OSGIN1: variants seen among roughly 807,000 people sequenced by gnomAD.
The protein encoded by OSGIN1 is oxidative stress-induced growth inhibitor 1.
In OSGIN1, 19 loss-of-function variants were observed where a neutral mutation model predicts 20.1. That is an observed-to-expected ratio of 0.95 (90% confidence interval 0.66 to 1.39). The LOEUF (loss-of-function observed/expected upper bound fraction) is 1.39. OSGIN1 is among the 40% of genes most tolerant of loss of function. OSGIN1 has a pLI of 0.00. For synonymous variants in OSGIN1, 368 were observed against 297.8 expected (o/e 1.24, Z -2.43); for missense variants, 820 against 653.0 (o/e 1.26, Z -2.79).
chr16:83,954,652 C>A, intron 1 of OSGIN1: 1 of 545,004 alleles, frequency 1.8e-6, no homozygotes, highest in Non-Finnish European at 2.4e-6. Flanking sequence ...CAGGTCCAGC[C>A]CCTGGGTGGT....
rs954801041 is a variant in OSGIN1 at position 83,965,266 on chromosome 16, C to A, written c.693C>A (p.Ala231=). 6.2e-6 allele frequency: 10 copies of A among 1,608,906 alleles called. No homozygotes were observed. In the Middle Eastern group the frequency reaches 6.6e-4, roughly 106 times the overall value. Residue 231 remains alanine, a synonymous_variant, in exon 6 of 6, where the codon GCC becomes GCA. Coordinates refer to ENST00000393306, the MANE Select transcript of OSGIN1 (RefSeq NM_182981.3). The stretch of plus-strand genomic sequence containing the variant: ...GCGGCTTCCTGACCAGGAACCAGGC[C>A]CAGCAGCCCTTCTCGCTGTGGGCCC... The part of the protein sequence containing the change: ...QVSGFLTRNQ[A]QQPFSLWARN...
At chr16:83,955,654 A>G (rs565317033) in intron 1 of OSGIN1, among the ~76,000 whole-genome samples, 22 of 152,342 alleles carry the variant, frequency 1.4e-4, no homozygotes, top group South Asian at 4.1e-4. Flanking sequence ...CCCACTCCAC[A>G]GAAGTATGGA....
In OSGIN1 at chr16:83,965,895, G is replaced by T. The variant is rs1460302553; in HGVS notation, c.1322G>T (p.Gly441Val). The change falls in exon 6 of 6, where the codon GGC (glycine) becomes GTC (valine). Residue 441 changes from glycine (G) to valine (V), a missense_variant. Coordinates refer to ENST00000393306, the MANE Select transcript of OSGIN1 (RefSeq NM_182981.3). The stretch of plus-strand genomic sequence containing the variant: ...ACCTACCAGAGCACCCGCCAGGAGG[G>T]CCTGTACGCCATGGGGCCGCTGGCC... ...PFTYQSTRQE[G>V]LYAMGPLAGD... is the part of the protein sequence containing the mutation. 1 of 1,612,874 alleles carries T rather than the reference G, an allele frequency of 6.2e-7. No individual in the cohort carries two copies. The highest frequency in any genetic ancestry group is 8.5e-7 in the Non-Finnish European group (1 of 1,179,998).
At chr16:83,961,713 C>A (rs1343182772) in intron 5 of OSGIN1, among the ~76,000 whole-genome samples, 1 of 152,126 alleles carries the variant, frequency 6.6e-6, no homozygotes, top group Non-Finnish European at 1.5e-5. Context: ...GAGCTGGGCT[C>A]ACCCGAGGAC....
chr16:83,959,456 C>A, intron 3 of OSGIN1, 60 bp downstream of exon 3: 2 of 1,491,934 alleles, frequency 1.3e-6, no homozygotes, highest in South Asian at 1.2e-5. Context: ...AAAACTACCG[C>A]CGCTTTCCCA....
At chr16:83,954,749 C>A in intron 1 of OSGIN1, 1 of 984,954 alleles carries the variant, frequency 1.0e-6, no homozygotes, top group Non-Finnish European at 1.2e-6. Flanking sequence ...AGCCCCAAAG[C>A]CCTGGTGGTA....
In OSGIN1 at chr16:83,953,284, CG is replaced by C. The variant is rs1353048740; in HGVS notation, c.-114del. 1 of 1,288,464 alleles carries C rather than the reference CG, an allele frequency of 7.8e-7. No homozygotes were observed. The highest frequency in any genetic ancestry group is 2.3e-5 in the Admixed American group (1 of 43,512). The allele number at this position is 1,288,464 out of a possible 1,614,324, so 79.8% of individuals were successfully genotyped here. A position where few individuals can be genotyped will look rare whatever the true frequency, so the allele number is the denominator to read the frequency against. On this transcript the variant is annotated 5_prime_UTR_variant, in exon 1 of 6. The change abolishes the stop of an existing upstream ORF in the 5' untranslated region. Coordinates refer to ENST00000393306, the MANE Select transcript of OSGIN1 (RefSeq NM_182981.3). ...CAGGGTAATGGGTGTCCCGATCTCG[CG>C]GGGGACTCTGTGATCCGTGTTCCCC...
Position 83,965,479 on chromosome 16 carries a change from C to G in OSGIN1, c.906C>G (p.Leu302=), listed in dbSNP as rs769486922. 6.2e-7 allele frequency: 1 copy of G among 1,607,784 alleles called. No homozygotes were observed. The highest frequency in any genetic ancestry group is 8.5e-7 in the Non-Finnish European group (1 of 1,179,628). Residue 302 remains leucine (L), a synonymous_variant, in exon 6 of 6, where the codon CTC becomes CTG. Coordinates refer to ENST00000393306, the MANE Select transcript of OSGIN1 (RefSeq NM_182981.3). The part of the protein sequence containing the change: ...GAGLSAADAV[L]YARHYNIPVI... ...GGCTGTCAGCGGCCGACGCGGTCCT[C>G]TACGCCCGCCACTACAACATCCCGG... is the stretch of plus-strand genomic sequence containing the variant.
At chr16:83,961,249 T>C (rs1438100638) in intron 5 of OSGIN1, 177 bp downstream of exon 5, 6 of 594,690 alleles carry the variant, frequency 1.0e-5, no homozygotes, top group African/African-American at 1.9e-5. Context: ...CACAGCTTGG[T>C]TTTATACATT....
intron 5 of OSGIN1, among the ~76,000 whole-genome samples, chr16:83,962,111 C>T (rs544171764): frequency 3.3e-5 from 5 of 152,184 alleles, no homozygotes; most frequent in South Asian, 2.1e-4. Flanking sequence ...CACTTCTCCA[C>T]GCCCTTTCAC....
rs575096157 is a variant in OSGIN1 at position 83,966,290 on chromosome 16, G to A, written c.*283G>A. On this transcript the variant is annotated 3_prime_UTR_variant, in exon 6 of 6. Coordinates refer to ENST00000393306, the MANE Select transcript of OSGIN1 (RefSeq NM_182981.3). ...CCAGCCAGGAGACCTGCAGCCCTGCGCCTTCCAGAAGCAGGTCCCAAATAA... is the reference window on the plus strand; with the variant it reads ...CCAGCCAGGAGACCTGCAGCCCTGCACCTTCCAGAAGCAGGTCCCAAATAA... The A allele has an allele frequency of 1.7e-5, 8 of 480,386 alleles. No homozygotes were observed. The highest frequency in any genetic ancestry group is 4.1e-5 in the South Asian group (1 of 24,568). The allele number at this position is 480,386 out of a possible 1,614,324, so 29.8% of individuals were successfully genotyped here.
In OSGIN1 at chr16:83,953,589, C is replaced by G. The variant is rs185854910; in HGVS notation, c.-33+219C>G. Among the ~76,000 whole-genome samples, 527 of 152,328 alleles carry G rather than the reference C, an allele frequency of 3.5e-3. 4 individuals carry two copies. Among genetic ancestry groups the G allele is most frequent in the African/African-American group, 0.012 (507 of 41,574 alleles). On this transcript the variant is annotated intron_variant, in intron 1 of 5. Coordinates refer to ENST00000393306, the MANE Select transcript of OSGIN1 (RefSeq NM_182981.3). ...CCTCAGCTGTGTCCCTGTCCAGGTGCCTGGTACCCTCAGCCAAGCAGCTGA... is the reference window on the plus strand; with the variant it reads ...CCTCAGCTGTGTCCCTGTCCAGGTGGCTGGTACCCTCAGCCAAGCAGCTGA...
chr16:83,957,716 G>T lies in OSGIN1; in HGVS notation c.45G>T (p.Glu15Asp). The T allele has an allele frequency of 1.9e-6, 3 of 1,601,032 alleles. No individual in the cohort carries two copies. The highest frequency in any genetic ancestry group is 2.6e-6 in the Non-Finnish European group (3 of 1,173,294). ...RKDHLGASSS[E>D]PLPVIIVGNG... ...ACCACCTCGGCGCCAGCAGCTCAGA[G>T]CCCCTCCCGGTCATCATTGTGGGTG... The change falls in exon 2 of 6, where the codon GAG (glutamate) becomes GAT (aspartate). Residue 15 changes from glutamate to aspartate, a missense_variant. Coordinates refer to ENST00000393306, the MANE Select transcript of OSGIN1 (RefSeq NM_182981.3).
rs765740686 is a variant in OSGIN1, at chr16:83,957,677, C to T, written c.6C>T (p.Ser2=). Reference sequence around the variant, plus strand: ...CCCCAAGCCCCCCACCAGCCATGAGCTCCTCCAGAAAGGACCACCTCGGCG... The same window carrying T: ...CCCCAAGCCCCCCACCAGCCATGAGTTCCTCCAGAAAGGACCACCTCGGCG... M[S]SSRKDHLGAS... is the part of the protein sequence containing the mutation. The change falls in exon 2 of 6, where the codon AGC becomes AGT. Residue 2 remains serine (S), a synonymous_variant. Transcript: ENST00000393306. The T allele has an allele frequency of 6.2e-7, 1 of 1,605,862 alleles. No homozygotes were observed. Among genetic ancestry groups the T allele is most frequent in the Non-Finnish European group, 8.5e-7 (1 of 1,175,752 alleles).
chr16:83,953,323 T>G lies in OSGIN1; in HGVS notation c.-80T>G. On this transcript the variant is annotated 5_prime_UTR_variant, in exon 1 of 6. Transcript: ENST00000393306. ...ATCCGTGTTCCCCTGACCCTCCTAGTGCACAACTTGGCCGGGCTCACTGGG... is the reference window on the plus strand; with the variant it reads ...ATCCGTGTTCCCCTGACCCTCCTAGGGCACAACTTGGCCGGGCTCACTGGG... 1 of 1,288,930 alleles carries G rather than the reference T, an allele frequency of 7.8e-7. No individual in the cohort carries two copies. Among genetic ancestry groups the G allele is most frequent in the Non-Finnish European group, 1.0e-6 (1 of 988,556 alleles). The allele number at this position is 1,288,930 out of a possible 1,614,324, so 79.8% of individuals were successfully genotyped here.
rs1487090025 is a variant in OSGIN1 at position 83,965,139 on chromosome 16, G to A, written c.566G>A (p.Gly189Glu). 6.2e-7 allele frequency: 1 copy of A among 1,613,472 alleles called. No individual in the cohort carries two copies. Among genetic ancestry groups the A allele is most frequent in the South Asian group, 1.1e-5 (1 of 91,086 alleles). Reference protein sequence around the residue: ...YRDYVVKKGLGHNFVSGAVVT... With the variant: ...YRDYVVKKGLEHNFVSGAVVT... ...GACTACGTGGTCAAGAAGGGTCTGGGGCATAACTTTGTGTCCGGTGCTGTA... is the reference window on the plus strand; with the variant it reads ...GACTACGTGGTCAAGAAGGGTCTGGAGCATAACTTTGTGTCCGGTGCTGTA... The change falls in exon 6 of 6, where the codon GGG becomes GAG. Residue 189 changes from glycine (G) to glutamate (E), a missense_variant. Transcript: ENST00000393306.
Position 83,965,421 on chromosome 16 carries a change from C to T in OSGIN1, c.848C>T (p.Pro283Leu), listed in dbSNP as rs144978069. 2.8e-5 allele frequency: 44 copies of T among 1,580,804 alleles called. No individual in the cohort carries two copies. Among genetic ancestry groups the T allele is most frequent in the East Asian group, 6.7e-5 (3 of 44,624 alleles). The change falls in exon 6 of 6, where the codon CCG becomes CTG. Residue 283 changes from proline (P) to leucine (L), a missense_variant. Physicochemically the swap from Pro to Leu is moderately conservative, Grantham distance 98. Transcript: ENST00000393306. ...GCCACAAGGGTGGGTGCGGTGACCC[C>T]GGCCTCAGACCCTGTCCTCATCATT... ...EAATRVGAVTPASDPVLIIGA... is the reference protein window; with the variant it reads ...EAATRVGAVTLASDPVLIIGA...
chr16:83,954,675 G>A (rs147340853), intron 1 of OSGIN1: 8,259 of 787,420 alleles, frequency 0.01, 97 homozygotes, highest in South Asian at 0.063. Context: ...CCTCATGTAT[G>A]TGGCATCCAG....
intron 3 of OSGIN1, among the ~76,000 whole-genome samples, 172 bp downstream of exon 3, chr16:83,959,568 C>G (rs913560663): frequency 2.6e-5 from 4 of 152,188 alleles, no homozygotes; most frequent in African/African-American, 9.6e-5. Flanking sequence ...ATCAGAGACC[C>G]ACAAATGCCA....
Sources: allele counts gnomAD v4.1 joint callset (sites outside exome capture counted in the v4.1 genomes callset), GRCh38; gene constraint gnomAD v4.1.1; transcripts MANE v1.5; gene names NCBI Gene and HGNC (gene_info 2026-07-23, HGNC 2026-07-21).